Variants in CDH11 observed in about 807,000 individuals in gnomAD.
CDH11 encodes the protein cadherin-11.
Under a neutral mutation model 67.8 loss-of-function variants are expected in CDH11, and 11 were observed. The ratio of observed to expected loss-of-function variants is 0.16; its 90% CI spans 0.10 to 0.27. The LOEUF (loss-of-function observed/expected upper bound fraction) is 0.27, where lower values mean the gene tolerates loss of function less well. CDH11 is among the 10% of genes least tolerant of loss of function. The pLI is 1.00. For missense variants in CDH11, 847 were observed against 1,031.2 expected (o/e 0.82, Z 2.45); for synonymous variants, 419 against 400.0 (o/e 1.05, Z -0.57).
chr16:64,947,838 T>A lies in CDH11; in HGVS notation c.2156A>T (p.Asp719Val). ...CTCCTGTATTCTCGTGTTGATGAAG[T>A]CATCGACATCCACGCTGTTGGGCGC... Reference protein sequence around the residue: ...RPAPNSVDVDDFINTRIQEAD... With the variant: ...RPAPNSVDVDVFINTRIQEAD... Residue 719 changes from aspartate to valine, a missense_variant, in exon 13 of 13, where the codon GAC becomes GTC. By Grantham distance (152) the Asp-to-Val change is radical. This residue lies in a region of CDH11 where 612 missense variants were observed against 678.7 expected (regional missense o/e 0.90). Transcript: ENST00000268603. 6.2e-7 allele frequency: 1 copy of A among 1,614,162 alleles called. No individual in the cohort carries two copies. The highest frequency in any genetic ancestry group is 1.1e-5 in the South Asian group (1 of 91,080).
At chr16:65,035,677 C>G (rs550123922) in intron 2 of CDH11, among the ~76,000 whole-genome samples, 1 of 152,180 alleles carries the variant, frequency 6.6e-6, no homozygotes, top group East Asian at 1.9e-4. Flanking sequence ...TACTTTATAG[C>G]ACTTTATAAT....
intron 5 of CDH11, among the ~76,000 whole-genome samples, 185 bp downstream of exon 5, chr16:64,992,730 G>A (rs538993851): frequency 2.0e-5 from 3 of 152,338 alleles, no homozygotes; most frequent in East Asian, 1.9e-4. Flanking sequence ...AACAATAAAT[G>A]TTTCATGGTG....
intron 4 of CDH11, among the ~76,000 whole-genome samples, chr16:64,998,035 A>G (rs970858463): frequency 2.0e-5 from 3 of 152,228 alleles, no homozygotes; most frequent in African/African-American, 7.2e-5. Flanking sequence ...TTAAAAAATT[A>G]TCCTTTAGCA....
At chr16:65,044,817 C>G (rs978158536) in intron 2 of CDH11, among the ~76,000 whole-genome samples, 1 of 152,096 alleles carries the variant, frequency 6.6e-6, no homozygotes, top group African/African-American at 2.4e-5. Context: ...GCAATTTATC[C>G]TGAGAGGGAC....
intron 4 of CDH11, among the ~76,000 whole-genome samples, chr16:64,996,582 C>T (rs144811248): frequency 0.019 from 2,828 of 151,838 alleles, 47 homozygotes; most frequent in Non-Finnish European, 0.032. Flanking sequence ...ACAAGAAAAA[C>T]GCCTGCACTT....
At chr16:65,074,061 T>A (rs1030333264) in intron 1 of CDH11, among the ~76,000 whole-genome samples, 1 of 152,224 alleles carries the variant, frequency 6.6e-6, no homozygotes. Context: ...GGGGAACATT[T>A]GTTGTTTTGT....
At chr16:64,970,307 C>T (rs2071968901) in intron 11 of CDH11, among the ~76,000 whole-genome samples, 1 of 152,032 alleles carries the variant, frequency 6.6e-6, no homozygotes, top group African/African-American at 2.4e-5. Flanking sequence ...AATCATAGAC[C>T]CTCAAAATCC....
chr16:64,947,979 T>A lies in CDH11; in HGVS notation c.2015A>T (p.Asp672Val). 1.2e-6 allele frequency: 2 copies of A among 1,614,206 alleles called. No individual in the cohort carries two copies. The highest frequency in any genetic ancestry group is 1.7e-6 in the Non-Finnish European group (2 of 1,180,044). ...GGTGGCAATATCAAAGGCTTCTGTG[T>A]CTTCTTCCCCACCCCCTTCATCATC... ...TYDDEGGGEE[D>V]TEAFDIATLQ... The change falls in exon 13 of 13, where the codon GAC becomes GTC. Residue 672 changes from aspartate to valine, a missense_variant. Around this residue, in one of 2 missense-constraint regions of CDH11, gnomAD observed 612 missense variants for 678.7 expected, o/e 0.90. Transcript: ENST00000268603.
At chr16:65,076,089 C>A (rs967738016) in intron 1 of CDH11, among the ~76,000 whole-genome samples, 2 of 152,176 alleles carry the variant, frequency 1.3e-5, no homozygotes, top group African/African-American at 4.8e-5. Context: ...ATGAGTGCAC[C>A]TGTGCCTTGA....
chr16:64,946,913 T>C lies in CDH11; in HGVS notation c.*690A>G. On this transcript the variant is annotated 3_prime_UTR_variant, in exon 13 of 13. Transcript: ENST00000268603. ...TTACATGTCAGAATACTGATATTTA[T>C]ACGTATACTAAAATAAGAACTTTAA... The C allele has an allele frequency of 1.2e-6, 1 of 805,330 alleles. No individual in the cohort carries two copies. Among genetic ancestry groups the C allele is most frequent in the South Asian group, 5.9e-5 (1 of 16,850 alleles). 49.9% of individuals were successfully genotyped at this position (805,330 alleles called of 1,614,324 possible).
At chr16:64,996,652 T>C (rs2072774462) in intron 4 of CDH11, among the ~76,000 whole-genome samples, 1 of 152,148 alleles carries the variant, frequency 6.6e-6, no homozygotes. Flanking sequence ...AAGGTGCCCA[T>C]CAACAGTGGA....
intron 1 of CDH11, among the ~76,000 whole-genome samples, chr16:65,114,581 A>G (rs2075211370): frequency 6.6e-6 from 1 of 152,132 alleles, no homozygotes; most frequent in South Asian, 2.1e-4. Flanking sequence ...TAGGATCTCA[A>G]AAAGTTGTCT....
chr16:64,983,910 G>C (rs1353321333), intron 7 of CDH11, among the ~76,000 whole-genome samples: 1 of 152,180 alleles, frequency 6.6e-6, no homozygotes, highest in Non-Finnish European at 1.5e-5. Context: ...ATATCACATA[G>C]TCTGTTGATC....
At chr16:65,072,565 A>T (rs1442302259) in intron 1 of CDH11, among the ~76,000 whole-genome samples, 1 of 152,194 alleles carries the variant, frequency 6.6e-6, no homozygotes, top group Non-Finnish European at 1.5e-5. Flanking sequence ...AAAGTAAATG[A>T]CATCATCTAT....
At chr16:64,956,970 C>CA (rs1218150346) in intron 11 of CDH11, among the ~76,000 whole-genome samples, 1 of 150,918 alleles carries the variant, frequency 6.6e-6, no homozygotes, top group African/African-American at 2.4e-5. Context: ...CTGCATTAGC[C>CA]AAAAAAATAA....
rs376269667 is a variant in CDH11 at position 64,947,595 on chromosome 16, C to T, written c.*8G>A. 12 of 1,598,786 alleles carry T rather than the reference C, an allele frequency of 7.5e-6. No homozygotes were observed. The highest frequency in any genetic ancestry group is 2.2e-5 in the East Asian group (1 of 44,584). On this transcript the variant is annotated 3_prime_UTR_variant, in exon 13 of 13. Transcript: ENST00000268603. ...ACAGTTCTTAAGGCCAAATTTGTATCGTTATTGTTAAGAATCGTCATCAAA... is the reference window on the plus strand; with the variant it reads ...ACAGTTCTTAAGGCCAAATTTGTATTGTTATTGTTAAGAATCGTCATCAAA...
At chr16:65,055,809 G>A (rs545126220) in intron 1 of CDH11, among the ~76,000 whole-genome samples, 1 of 152,178 alleles carries the variant, frequency 6.6e-6, no homozygotes, top group African/African-American at 2.4e-5. Flanking sequence ...GGGCTGAATG[G>A]TTTTGTTCCC....
At chr16:64,953,277 T>G (rs1314472734) in intron 11 of CDH11, among the ~76,000 whole-genome samples, 1 of 146,150 alleles carries the variant, frequency 6.8e-6, no homozygotes, top group Non-Finnish European at 1.5e-5. Flanking sequence ...TAGATATATA[T>G]ATATGTATGT....
intron 2 of CDH11, among the ~76,000 whole-genome samples, chr16:65,037,202 A>T (rs1452787149): frequency 6.6e-6 from 1 of 152,170 alleles, no homozygotes; most frequent in African/African-American, 2.4e-5. Flanking sequence ...TTCTGATGCC[A>T]CTTACCAGCT....
Sources: gnomAD v4.1 joint callset for allele counts (sites outside exome capture counted in the v4.1 genomes callset) on GRCh38, gnomAD v4.1.1 for gene constraint, gnomAD v4.1.1 regional missense constraint, MANE v1.5 for transcripts, NCBI Gene and HGNC (gene_info 2026-07-23, HGNC 2026-07-21) for gene names.